The following G2E3 variants were observed in gnomAD, a reference collection of about 807,000 sequenced individuals.
The protein encoded by G2E3 is G2/M-phase specific E3 ubiquitin protein ligase.
Under a neutral mutation model 92.8 loss-of-function variants are expected in G2E3, and 35 were observed. The ratio of observed to expected loss-of-function variants is 0.38; its 90% confidence interval spans 0.29 to 0.50. The LOEUF is 0.50. Among genes scored for constraint, G2E3 ranks in the 20% least tolerant of loss-of-function variants. The pLI is 0.94. For synonymous variants in G2E3, 242 were observed against 272.4 expected, an observed-to-expected ratio of 0.89 and a Z score of 1.10; for missense variants, 554 against 823.8, an observed-to-expected ratio of 0.67 and a Z score of 4.01.
intron 6 of G2E3, 148 bp from the exon 7 acceptor site, chr14:30,597,272 A>T: frequency 1.7e-6 from 1 of 584,348 alleles, no homozygotes; most frequent in Non-Finnish European, 3.1e-6. Flanking sequence ...GGGATAACTT[A>T]GTTTATAAGG....
At chr14:30,605,050 C>G (rs149298346) in intron 10 of G2E3, among the ~76,000 whole-genome samples, 1 of 152,194 alleles carries the variant, frequency 6.6e-6, no homozygotes, top group South Asian at 2.1e-4. Context: ...GCATACGCCA[C>G]GACGCCCAGC....
intron 1 of G2E3, among the ~76,000 whole-genome samples, chr14:30,564,809 T>A (rs1484619997): frequency 2.6e-5 from 4 of 152,222 alleles, no homozygotes; most frequent in African/African-American, 9.6e-5. Flanking sequence ...TATTCCTTTT[T>A]ATTGCCACAT....
chr14:30,589,363 A>G lies in G2E3; in HGVS notation c.136-20A>G. 7.5e-7 allele frequency: 1 copy of G among 1,339,268 alleles called. No homozygotes were observed. Among genetic ancestry groups the G allele is most frequent in the South Asian group, 1.2e-5 (1 of 84,222 alleles). 83.0% of individuals were successfully genotyped at this position (1,339,268 alleles called of 1,614,324 possible). Reference sequence around the variant, plus strand: ...ACTAGTTTCTTAGAGTTTATTTTCTAATTGAGAATATATTCATAGTTGATG... The same window carrying G: ...ACTAGTTTCTTAGAGTTTATTTTCTGATTGAGAATATATTCATAGTTGATG... On this transcript the variant is annotated intron_variant, in intron 3 of 14. Coordinates refer to ENST00000206595, the MANE Select transcript of G2E3 (RefSeq NM_017769.5).
chr14:30,560,836 C>G (rs1566519023), intron 1 of G2E3: 1 of 700,836 alleles, frequency 1.4e-6, no homozygotes, highest in Non-Finnish European at 2.6e-6. Context: ...GCATATTTAA[C>G]TGAAAGGTTA....
chr14:30,595,627 A>T (rs986970544), intron 6 of G2E3, among the ~76,000 whole-genome samples: 2 of 152,230 alleles, frequency 1.3e-5, no homozygotes, highest in Non-Finnish European at 2.9e-5. Context: ...ATCACTAAGC[A>T]ATTATTATTA....
intron 12 of G2E3, chr14:30,611,632 C>CTAG (rs1190657037): frequency 1.3e-5 from 2 of 151,972 alleles, no homozygotes; most frequent in Non-Finnish European, 2.9e-5. Context: ...TCTTGCCTAT[C>CTAG]TAGTACTAGG....
chr14:30,589,345 T>G, intron 3 of G2E3, 38 bp from the exon 4 acceptor site: 1 of 1,180,242 alleles, frequency 8.5e-7, no homozygotes, highest in Non-Finnish European at 1.3e-6. Context: ...CCAACTAGTT[T>G]CTTAGAGTTT....
At chr14:30,593,829 C>T (rs1005437026) in intron 6 of G2E3, among the ~76,000 whole-genome samples, 190 bp downstream of exon 6, 1 of 152,156 alleles carries the variant, frequency 6.6e-6, no homozygotes, top group Non-Finnish European at 1.5e-5. Flanking sequence ...ATACAATTAA[C>T]ATTCAATAAA....
At chr14:30,571,517 C>A (rs1448323620) in intron 1 of G2E3, among the ~76,000 whole-genome samples, 1 of 151,920 alleles carries the variant, frequency 6.6e-6, no homozygotes, top group Non-Finnish European at 1.5e-5. Context: ...CTTTGCCAAA[C>A]CCCAAGATCA....
chr14:30,593,995 TAAG>T (rs1269824171), intron 6 of G2E3, among the ~76,000 whole-genome samples: 6 of 152,204 alleles, frequency 3.9e-5, no homozygotes, highest in African/African-American at 9.6e-5. Flanking sequence ...TTTGAAATGA[TAAG>T]AAGCTTGATA....
At chr14:30,594,270 T>C (rs1424183700) in intron 6 of G2E3, among the ~76,000 whole-genome samples, 1 of 152,224 alleles carries the variant, frequency 6.6e-6, no homozygotes, top group Admixed American at 6.5e-5. Context: ...ACATCAAATA[T>C]GTAATATGTA....
At chr14:30,611,275 C>T (rs1882075639) in intron 12 of G2E3, 2 of 152,108 alleles carry the variant, frequency 1.3e-5, no homozygotes, top group Admixed American at 1.3e-4. Context: ...CAACATATAC[C>T]CAATTATTAC....
intron 1 of G2E3, among the ~76,000 whole-genome samples, chr14:30,577,512 C>T (rs1268715576): frequency 6.6e-6 from 1 of 152,070 alleles, no homozygotes; most frequent in African/African-American, 2.4e-5. Context: ...AAATTGCAGT[C>T]GTATGAAGGC....
At position 30,617,031 on chromosome 14, in the gene G2E3, A is replaced by G. The variant is rs989570741; in HGVS notation, c.*497A>G. 7 of 152,462 alleles carry G rather than the reference A, an allele frequency of 4.6e-5. No homozygotes were observed. Among genetic ancestry groups the G allele is most frequent in the African/African-American group, 1.4e-4 (6 of 41,456 alleles). 9.4% of individuals were successfully genotyped at this position (152,462 alleles called of 1,614,324 possible). ...TATTCTGGGATTTGTGTTACTATGCATACTTTTCTAGGATGTCACCAAATT... is the reference window on the plus strand; with the variant it reads ...TATTCTGGGATTTGTGTTACTATGCGTACTTTTCTAGGATGTCACCAAATT... On this transcript the variant is annotated 3_prime_UTR_variant, in exon 15 of 15. Coordinates refer to ENST00000206595, the MANE Select transcript of G2E3 (RefSeq NM_017769.5).
In G2E3 at chr14:30,616,889, A is replaced by G. The variant is rs1345379971; in HGVS notation, c.*355A>G. On this transcript the variant is annotated 3_prime_UTR_variant, in exon 15 of 15. Transcript: ENST00000206595. ...CATTTTTTGTAAATTAGGATTACATATAGAATGCCACAATTTCTCTAGGTT... is the reference window on the plus strand; with the variant it reads ...CATTTTTTGTAAATTAGGATTACATGTAGAATGCCACAATTTCTCTAGGTT... 1.3e-5 allele frequency: 2 copies of G among 158,554 alleles called. No homozygotes were observed. Among genetic ancestry groups the G allele is most frequent in the Non-Finnish European group, 1.4e-5 (1 of 72,512 alleles). 9.8% of individuals were successfully genotyped at this position (158,554 alleles called of 1,614,324 possible).
At chr14:30,582,032 C>T (rs746023298) in intron 2 of G2E3, among the ~76,000 whole-genome samples, 1 of 152,130 alleles carries the variant, frequency 6.6e-6, no homozygotes, top group Non-Finnish European at 1.5e-5. Context: ...GAAATTTATG[C>T]TCCTAAACCT....
intron 4 of G2E3, among the ~76,000 whole-genome samples, chr14:30,591,673 T>G (rs1400969857): frequency 6.6e-6 from 1 of 152,132 alleles, no homozygotes; most frequent in Non-Finnish European, 1.5e-5. Context: ...GTCTTAAATC[T>G]CCCTCTCCTT....
rs1408890676 is a variant in G2E3, at chr14:30,617,908, T to C, written c.*1374T>C. 2 of 118,170 alleles carry C rather than the reference T, an allele frequency of 1.7e-5. No individual in the cohort carries two copies. Among genetic ancestry groups the C allele is most frequent in the African/African-American group, 4.0e-5 (1 of 24,952 alleles). 7.3% of individuals were successfully genotyped at this position (118,170 alleles called of 1,614,324 possible). On this transcript the variant is annotated 3_prime_UTR_variant, in exon 15 of 15. Transcript: ENST00000206595. ...AATCTATTAACATATTTAAATGATA[T>C]AATGGTTCAGTTTTCCATGAAAGTA...
At chr14:30,573,422 T>TGTGTGTGTGC in intron 1 of G2E3, 1 of 89,642 alleles carries the variant, frequency 1.1e-5, no homozygotes, top group Middle Eastern at 5.7e-3. Context: ...TGTGTGTGTG[T>TGTGTGTGTGC]GTGTGTGTGC....
Sources: gnomAD v4.1 joint callset for allele counts (sites outside exome capture counted in the v4.1 genomes callset) on GRCh38, gnomAD v4.1.1 for gene constraint, MANE v1.5 for transcripts, NCBI Gene and HGNC (gene_info 2026-07-23, HGNC 2026-07-21) for gene names.